Variants in CA8 observed in about 807,000 individuals in gnomAD.
CA8 encodes carbonic anhydrase 8 (inactive).
Under a neutral mutation model 41.4 loss-of-function variants are expected in CA8, and 22 were observed. The ratio of observed to expected loss-of-function variants is 0.53; its 90% confidence interval spans 0.38 to 0.76. The LOEUF (loss-of-function observed/expected upper bound fraction) is 0.76. CA8 is among the 30% of genes least tolerant of loss of function. The pLI is 0.00. For missense variants in CA8, 270 were observed against 352.8 expected (o/e 0.77, Z 1.88); for synonymous variants, 121 against 130.6 (o/e 0.93, Z 0.50).
At chr8:60,273,616 G>T (rs1804139058) in intron 2 of CA8, among the ~76,000 whole-genome samples, 1 of 152,248 alleles carries the variant, frequency 6.6e-6, no homozygotes, top group African/African-American at 2.4e-5. Context: ...TTTAAGCACA[G>T]TGGAAGATGA....
chr8:60,230,254 G>C (rs538511453), intron 4 of CA8, among the ~76,000 whole-genome samples: 24 of 152,174 alleles, frequency 1.6e-4, no homozygotes, highest in Middle Eastern at 3.4e-3. Context: ...TCTGAGATTA[G>C]TCCACCTGCA....
At chr8:60,259,953 C>T (rs904081894) in intron 3 of CA8, among the ~76,000 whole-genome samples, 3 of 152,128 alleles carry the variant, frequency 2.0e-5, no homozygotes, top group Non-Finnish European at 4.4e-5. Flanking sequence ...AATAATGAGA[C>T]TTTCCAGAAG....
intron 8 of CA8, among the ~76,000 whole-genome samples, chr8:60,194,548 T>C (rs1585837420): frequency 6.6e-6 from 1 of 152,056 alleles, no homozygotes; most frequent in East Asian, 1.9e-4. Context: ...AAGTACAGAG[T>C]CTCTCTCTTA....
chr8:60,219,181 CG>C (rs1807143783), intron 7 of CA8, among the ~76,000 whole-genome samples: 1 of 144,484 alleles, frequency 6.9e-6, no homozygotes, highest in African/African-American at 2.5e-5. Flanking sequence ...TTTTTTTAGA[CG>C]GAGTCTCGCT....
At chr8:60,240,297 C>G (rs189035570) in intron 3 of CA8, among the ~76,000 whole-genome samples, 1 of 152,212 alleles carries the variant, frequency 6.6e-6, no homozygotes, top group Non-Finnish European at 1.5e-5. Context: ...ATGGCAGTTT[C>G]AAGACAGTGA....
At chr8:60,232,165 G>A (rs1807670123) in intron 4 of CA8, 119 bp downstream of exon 4, 2 of 750,328 alleles carry the variant, frequency 2.7e-6, no homozygotes, top group East Asian at 2.6e-5. Context: ...TTTATCAGGT[G>A]TTCTCTCTAT....
intron 7 of CA8, among the ~76,000 whole-genome samples, chr8:60,209,343 G>A (rs1383844016): frequency 6.6e-6 from 1 of 152,120 alleles, no homozygotes; most frequent in African/African-American, 2.4e-5. Flanking sequence ...AATCAGCCAG[G>A]CTTGGTGGTG....
chr8:60,196,576 T>C (rs1806287838), intron 8 of CA8, among the ~76,000 whole-genome samples: 1 of 152,200 alleles, frequency 6.6e-6, no homozygotes, highest in Non-Finnish European at 1.5e-5. Flanking sequence ...CATAGACCTA[T>C]GCATTTTTCC....
intron 8 of CA8, among the ~76,000 whole-genome samples, chr8:60,199,659 T>C (rs1338539352): frequency 6.6e-6 from 1 of 152,198 alleles, no homozygotes. Context: ...GAAATCTCCA[T>C]ATTATCCAAT....
chr8:60,220,617 A>G (rs1807210462), intron 7 of CA8, among the ~76,000 whole-genome samples: 1 of 152,080 alleles, frequency 6.6e-6, no homozygotes, highest in South Asian at 2.1e-4. Flanking sequence ...AGAAGGCATC[A>G]TCTCCCCCAT....
chr8:60,200,552 G>A lies in CA8; in HGVS notation c.*35+8198C>T, dbSNP rs922512981. ...ATAACAAGAAGGTAAATCAGGAGAC[G>A]TCAGTAATTTTATCATGTTTCTGTG... is the stretch of plus-strand genomic sequence containing the variant. On this transcript the variant is annotated intron_variant, in intron 8 of 8. Transcript: ENST00000317995. Among the ~76,000 whole-genome samples, 8 of 152,292 alleles carry A rather than the reference G, an allele frequency of 5.3e-5. No homozygotes were observed. In the South Asian group the frequency reaches 1.2e-3, roughly 24 times the overall value.
intron 8 of CA8, among the ~76,000 whole-genome samples, chr8:60,206,092 A>G (rs1806567139): frequency 6.6e-6 from 1 of 152,234 alleles, no homozygotes; most frequent in Admixed American, 6.5e-5. Context: ...AGATAAAAGT[A>G]TTCATAAAAA....
intron 5 of CA8, among the ~76,000 whole-genome samples, chr8:60,224,851 G>T (rs770010962): frequency 2.6e-5 from 4 of 152,042 alleles, no homozygotes; most frequent in Non-Finnish European, 4.4e-5. Context: ...TGCCCCATCT[G>T]CCCCATGTCA....
At position 60,186,870 on chromosome 8, in the gene CA8, G is replaced by A. The variant is rs935924826; in HGVS notation, c.*3151C>T. Among the ~76,000 whole-genome samples, 2 of 151,994 alleles carry A rather than the reference G, an allele frequency of 1.3e-5. No homozygotes were observed. Among genetic ancestry groups the A allele is most frequent in the African/African-American group, 4.8e-5 (2 of 41,428 alleles). On this transcript the variant is annotated 3_prime_UTR_variant, in exon 9 of 9. Transcript: ENST00000317995. ...AAAAACTGACAGAATTGAAGGAAGA[G>A]ATTATTCAACAACAGTCAGAGAATT...
intron 8 of CA8, among the ~76,000 whole-genome samples, chr8:60,197,582 T>C (rs1015184779): frequency 6.6e-6 from 1 of 152,316 alleles, no homozygotes; most frequent in African/African-American, 2.4e-5. Flanking sequence ...AACTAATTAC[T>C]GGTGGAATCT....
At chr8:60,213,678 G>A (rs112871807) in intron 7 of CA8, among the ~76,000 whole-genome samples, 5 of 151,956 alleles carry the variant, frequency 3.3e-5, no homozygotes, top group Admixed American at 2.6e-4. Context: ...TTTTTACCTT[G>A]ACTACATGCT....
chr8:60,197,469 CATT>C (rs1458655760), intron 8 of CA8, among the ~76,000 whole-genome samples: 2 of 152,062 alleles, frequency 1.3e-5, no homozygotes, highest in Non-Finnish European at 2.9e-5. Context: ...TGCATTATCT[CATT>C]GTTATCTTCA....
At chr8:60,237,465 C>T (rs1204089493) in intron 3 of CA8, among the ~76,000 whole-genome samples, 2 of 152,198 alleles carry the variant, frequency 1.3e-5, no homozygotes, top group African/African-American at 2.4e-5. Flanking sequence ...GAGCAAGGGT[C>T]GGCCGCATTA....
intron 8 of CA8, among the ~76,000 whole-genome samples, chr8:60,206,758 A>G (rs1362198020): frequency 1.3e-5 from 2 of 152,168 alleles, no homozygotes; most frequent in Middle Eastern, 3.4e-3. Flanking sequence ...ATTGCAGCAC[A>G]GAGAGTGCCC....
Sources: allele counts gnomAD v4.1 joint callset (sites outside exome capture counted in the v4.1 genomes callset), GRCh38; gene constraint gnomAD v4.1.1; transcripts MANE v1.5; gene names NCBI Gene and HGNC (gene_info 2026-07-23, HGNC 2026-07-21).